C1GALT1C1L: variants seen among roughly 807,000 people sequenced by gnomAD.
The protein encoded by C1GALT1C1L is C1GALT1-specific chaperone 1-like protein.
Under a neutral mutation model 0.5 loss-of-function variants are expected in C1GALT1C1L, and 1 was observed. That is an observed-to-expected ratio of 2.11 (90% CI 0.75 to 10.02). The LOEUF (loss-of-function observed/expected upper bound fraction) is 10.02, where lower values mean the gene tolerates loss of function less well. Ranked by LOEUF, C1GALT1C1L falls within the 30% of genes most tolerant of loss-of-function variation. The probability of loss-of-function intolerance (pLI) is 0.13; values close to 1 mark genes in which losing one functional copy is unlikely to be tolerated. For missense variants in C1GALT1C1L, 444 were observed against 375.5 expected (o/e 1.18, Z -1.51); for synonymous variants, 148 against 132.6 (o/e 1.12, Z -0.80).
rs774593536 is a variant in C1GALT1C1L at position 43,675,997 on chromosome 2, A to G, written c.326T>C (p.Phe109Ser). Residue 109 changes from phenylalanine (F) to serine (S), a missense_variant, in exon 1 of 1, where the codon TTC becomes TCC. Physicochemically the swap from Phe to Ser is radical, Grantham distance 155 (BLOSUM62 -2). Transcript: ENST00000475092. ...ELYDTKNDNLFNIESNDRWVQ... is the reference protein window; with the variant it reads ...ELYDTKNDNLSNIESNDRWVQ... The stretch of plus-strand genomic sequence containing the variant: ...CCACCTGTCATTACTTTCTATATTG[A>G]ACAAATTATCATTTTTAGTATCGTA... The G allele has an allele frequency of 9.3e-6, 15 of 1,613,938 alleles. No homozygotes were observed. The highest frequency in any genetic ancestry group is 1.6e-4 in the Middle Eastern group (1 of 6,084).
rs200659882 is a variant in C1GALT1C1L, at chr2:43,676,291, T to A, written c.32A>T (p.Lys11Met). The change falls in exon 1 of 1, where the codon AAG becomes ATG. Residue 11 changes from lysine (K) to methionine (M), a missense_variant. Transcript: ENST00000475092. Reference protein sequence around the residue: MVSASGTSFFKGMLLGSISWV... With the variant: MVSASGTSFFMGMLLGSISWV... ...GGAAATGCTCCCAAGCAACATACCC[T>A]TAAAAAATGATGTCCCACTAGCGGA... 4 of 1,611,718 alleles carry A rather than the reference T, an allele frequency of 2.5e-6. No individual in the cohort carries two copies. The highest frequency in any genetic ancestry group is 3.4e-6 in the Non-Finnish European group (4 of 1,179,038).
rs773527917 is a variant in C1GALT1C1L at position 43,676,008 on chromosome 2, A to G, written c.315T>C (p.Asn105=). The change falls in exon 1 of 1, where the codon AAT becomes AAC. Residue 105 remains asparagine, a synonymous_variant. Transcript: ENST00000475092. Reference sequence around the variant, plus strand: ...TACTTTCTATATTGAACAAATTATCATTTTTAGTATCGTAGAGCTCTGCTT... The same window carrying G: ...TACTTTCTATATTGAACAAATTATCGTTTTTAGTATCGTAGAGCTCTGCTT... ...CDKAELYDTK[N]DNLFNIESND... 1 of 1,613,982 alleles carries G rather than the reference A, an allele frequency of 6.2e-7. No homozygotes were observed. The highest frequency in any genetic ancestry group is 8.5e-7 in the Non-Finnish European group (1 of 1,179,886).
chr2:43,675,921 G>A lies in C1GALT1C1L; in HGVS notation c.402C>T (p.Asn134=). Residue 134 remains asparagine, a synonymous_variant, in exon 1 of 1, where the codon AAC becomes AAT. Coordinates refer to ENST00000475092, the MANE Select transcript of C1GALT1C1L (RefSeq NM_001101330.3). ...GAAGTGCAAGGAAGAACCAGTTGTA[G>A]TTGTCACCATACTTTTCAAAGACGT... The part of the protein sequence containing the change: ...YKYVFEKYGD[N]YNWFFLALPT... The A allele has an allele frequency of 6.2e-7, 1 of 1,614,042 alleles. No individual in the cohort carries two copies. The highest frequency in any genetic ancestry group is 1.3e-5 in the African/African-American group (1 of 75,034).
At chr2:43,675,930 A>C in the C1GALT1C1L span, 1 of 1,614,044 alleles carries the variant, frequency 6.2e-7, no homozygotes, top group Non-Finnish European at 8.5e-7. Flanking sequence ...AGTTGTCACC[A>C]TACTTTTCAA....
chr2:43,675,850 G>T lies in C1GALT1C1L; in HGVS notation c.473C>A (p.Thr158Lys), dbSNP rs1363127711. 8.7e-6 allele frequency: 14 copies of T among 1,614,026 alleles called. No homozygotes were observed. The highest frequency in any genetic ancestry group is 1.2e-5 in the Non-Finnish European group (14 of 1,179,922). Residue 158 changes from threonine (T) to lysine (K), a missense_variant, in exon 1 of 1, where the codon ACA becomes AAA. Transcript: ENST00000475092. ...ATAGAAGGGCTGGGATGCATCCCTT[G>T]TAAACAAAAGGTACTTTAAATTTTC... Reference protein sequence around the residue: ...VIENLKYLLFTRDASQPFYLG... With the variant: ...VIENLKYLLFKRDASQPFYLG...
rs1667691157 is a variant in C1GALT1C1L, at chr2:43,675,324, A to C, written c.*51T>G. The C allele has an allele frequency of 1.2e-5, 15 of 1,282,828 alleles. No individual in the cohort carries two copies. The highest frequency in any genetic ancestry group is 6.3e-5 in the South Asian group (4 of 63,312). The allele number at this position is 1,282,828 out of a possible 1,614,324, so 79.5% of individuals were successfully genotyped here. The stretch of plus-strand genomic sequence containing the variant: ...CTTACACTGTATCAGAATTTGGACT[A>C]GCCACATTTCAAGTGCTCTTGGACA... On this transcript the variant is annotated 3_prime_UTR_variant, in exon 1 of 1. Transcript: ENST00000475092.
chr2:43,676,301 A>G lies in C1GALT1C1L; in HGVS notation c.22T>C (p.Ser8Pro). MVSASGT[S>P]FFKGMLLGSI... ...CCAAGCAACATACCCTTAAAAAATG[A>G]TGTCCCACTAGCGGAAACCATTTTC... The change falls in exon 1 of 1, where the codon TCA becomes CCA. Residue 8 changes from serine to proline, a missense_variant. Transcript: ENST00000475092. 1 of 1,610,686 alleles carries G rather than the reference A, an allele frequency of 6.2e-7. No individual in the cohort carries two copies. The highest frequency in any genetic ancestry group is 8.5e-7 in the Non-Finnish European group (1 of 1,178,362).
rs781759292 is a variant in C1GALT1C1L at position 43,675,792 on chromosome 2, T to C, written c.531A>G (p.Glu177=). The C allele has an allele frequency of 6.2e-7, 1 of 1,613,830 alleles. No homozygotes were observed. Among genetic ancestry groups the C allele is most frequent in the South Asian group, 1.1e-5 (1 of 91,038 alleles). ...LGHTVIFGDL[E]YVTVEGGIVL... is the part of the protein sequence containing the mutation. Reference sequence around the variant, plus strand: ...CAATCCCTCCTTCCACAGTCACGTATTCGAGGTCTCCAAATATAACAGTGT... The same window carrying C: ...CAATCCCTCCTTCCACAGTCACGTACTCGAGGTCTCCAAATATAACAGTGT... Residue 177 remains glutamate, a synonymous_variant, in exon 1 of 1, where the codon GAA becomes GAG. Coordinates refer to ENST00000475092, the MANE Select transcript of C1GALT1C1L (RefSeq NM_001101330.3).
chr2:43,676,224 G>C lies in C1GALT1C1L; in HGVS notation c.99C>G (p.His33Gln). 1 of 1,613,998 alleles carries C rather than the reference G, an allele frequency of 6.2e-7. No homozygotes were observed. Among genetic ancestry groups the C allele is most frequent in the Non-Finnish European group, 8.5e-7 (1 of 1,179,880 alleles). The change falls in exon 1 of 1, where the codon CAC becomes CAG. Residue 33 changes from histidine (H) to glutamine (Q), a missense_variant. Transcript: ENST00000475092. ...ITMFGQIHIR[H>Q]RGQTQDHEHH... ...GCTCGTGGTCTTGAGTTTGACCTCT[G>C]TGTCGAATGTGAATTTGGCCAAACA...
rs376422606 is a variant in C1GALT1C1L at position 43,676,103 on chromosome 2, T to C, written c.220A>G (p.Ile74Val). The change falls in exon 1 of 1, where the codon ATC becomes GTC. Residue 74 changes from isoleucine to valine, a missense_variant. By Grantham distance (29) the Ile-to-Val change is conservative. Transcript: ENST00000475092. ...CTCTCATCTTCGGATTCTCCAAAGA[T>C]GATACAGAAAACACGAATACTTTTA... Reference protein sequence around the residue: ...LSKSIRVFCIIFGESEDESYW... With the variant: ...LSKSIRVFCIVFGESEDESYW... The C allele has an allele frequency of 3.7e-6, 6 of 1,613,982 alleles. No homozygotes were observed. The highest frequency in any genetic ancestry group is 1.7e-5 in the Admixed American group (1 of 60,018).
At position 43,675,856 on chromosome 2, in the gene C1GALT1C1L, A is replaced by G; in HGVS notation, c.467T>C (p.Leu156Ser). ...GGGCTGGGATGCATCCCTTGTAAAC[A>G]AAAGGTACTTTAAATTTTCAATGAC... is the stretch of plus-strand genomic sequence containing the variant. ...FAVIENLKYL[L>S]FTRDASQPFY... is the part of the protein sequence containing the mutation. Residue 156 changes from leucine (L) to serine (S), a missense_variant, in exon 1 of 1, where the codon TTG becomes TCG. Transcript: ENST00000475092. 1 of 1,614,068 alleles carries G rather than the reference A, an allele frequency of 6.2e-7. No homozygotes were observed. The highest frequency in any genetic ancestry group is 8.5e-7 in the Non-Finnish European group (1 of 1,179,940).
chr2:43,675,849 T>C lies in C1GALT1C1L; in HGVS notation c.474A>G (p.Thr158=). Reference sequence around the variant, plus strand: ...GATAGAAGGGCTGGGATGCATCCCTTGTAAACAAAAGGTACTTTAAATTTT... The same window carrying C: ...GATAGAAGGGCTGGGATGCATCCCTCGTAAACAAAAGGTACTTTAAATTTT... The part of the protein sequence containing the change: ...VIENLKYLLF[T]RDASQPFYLG... The change falls in exon 1 of 1, where the codon ACA becomes ACG. Residue 158 remains threonine (T), a synonymous_variant. Coordinates refer to ENST00000475092, the MANE Select transcript of C1GALT1C1L (RefSeq NM_001101330.3). 1.2e-6 allele frequency: 2 copies of C among 1,614,066 alleles called. No individual in the cohort carries two copies. Among genetic ancestry groups the C allele is most frequent in the Non-Finnish European group, 1.7e-6 (2 of 1,179,934 alleles).
rs377244045 is a variant in C1GALT1C1L, at chr2:43,675,826, T to C, written c.497A>G (p.Tyr166Cys). 7.3e-5 allele frequency: 118 copies of C among 1,613,944 alleles called. No homozygotes were observed. In the Admixed American group the frequency reaches 1.8e-3, roughly 25 times the overall value. ...LFTRDASQPF[Y>C]LGHTVIFGDL... ...TCCAAATATAACAGTGTGGCCCAGA[T>C]AGAAGGGCTGGGATGCATCCCTTGT... The change falls in exon 1 of 1, where the codon TAT (tyrosine) becomes TGT (cysteine). Residue 166 changes from tyrosine to cysteine, a missense_variant. Physicochemically the swap from Tyr to Cys is radical, Grantham distance 194. Transcript: ENST00000475092.
At position 43,675,196 on chromosome 2, in the gene C1GALT1C1L, T is replaced by C. The variant is rs781603595; in HGVS notation, c.*179A>G. 6.3e-5 allele frequency: 28 copies of C among 445,436 alleles called. No individual in the cohort carries two copies. Among genetic ancestry groups the C allele is most frequent in the Non-Finnish European group, 1.1e-4 (27 of 255,610 alleles). The allele number at this position is 445,436 out of a possible 1,614,324, so 27.6% of individuals were successfully genotyped here. ...TATTTAATGCAAAATATCCAAAACA[T>C]TATTTCAATGTGGAGTCAATATGAA... is the stretch of plus-strand genomic sequence containing the variant. On this transcript the variant is annotated 3_prime_UTR_variant, in exon 1 of 1. Coordinates refer to ENST00000475092, the MANE Select transcript of C1GALT1C1L (RefSeq NM_001101330.3).
Position 43,676,012 on chromosome 2 carries a change from T to G in C1GALT1C1L, c.311A>C (p.Lys104Thr), listed in dbSNP as rs374136729. 6.2e-7 allele frequency: 1 copy of G among 1,613,934 alleles called. No homozygotes were observed. Among genetic ancestry groups the G allele is most frequent in the Non-Finnish European group, 8.5e-7 (1 of 1,179,904 alleles). Reference sequence around the variant, plus strand: ...TTCTATATTGAACAAATTATCATTTTTAGTATCGTAGAGCTCTGCTTTGTC... The same window carrying G: ...TTCTATATTGAACAAATTATCATTTGTAGTATCGTAGAGCTCTGCTTTGTC... Reference protein sequence around the residue: ...HCDKAELYDTKNDNLFNIESN... With the variant: ...HCDKAELYDTTNDNLFNIESN... Residue 104 changes from lysine (K) to threonine (T), a missense_variant, in exon 1 of 1, where the codon AAA (lysine) becomes ACA (threonine). Physicochemically the swap from Lys to Thr is moderately conservative, Grantham distance 78 (BLOSUM62 -1). Coordinates refer to ENST00000475092, the MANE Select transcript of C1GALT1C1L (RefSeq NM_001101330.3).
rs1200031463 is a variant in C1GALT1C1L, at chr2:43,676,151, T to C, written c.172A>G (p.Lys58Glu). ...PNRNDFLNTS[K>E]VILLELSKSI... is the part of the protein sequence containing the mutation. ...TTACTGAGCTCCAAGAGTATCACTT[T>C]TGAAGTGTTTAAGAAATCGTTCCTG... Residue 58 changes from lysine to glutamate, a missense_variant, in exon 1 of 1, where the codon AAA becomes GAA. Lys to Glu is a moderately conservative substitution (Grantham distance 56, BLOSUM62 1). Coordinates refer to ENST00000475092, the MANE Select transcript of C1GALT1C1L (RefSeq NM_001101330.3). The C allele has an allele frequency of 1.9e-6, 3 of 1,614,034 alleles. No homozygotes were observed. Among genetic ancestry groups the C allele is most frequent in the Non-Finnish European group, 2.5e-6 (3 of 1,179,900 alleles).
chr2:43,675,599 C>A lies in C1GALT1C1L; in HGVS notation c.724G>T (p.Val242Leu). The change falls in exon 1 of 1, where the codon GTA becomes TTA. Residue 242 changes from valine (V) to leucine (L), a missense_variant. Physicochemically the swap from Val to Leu is conservative, Grantham distance 32. Coordinates refer to ENST00000475092, the MANE Select transcript of C1GALT1C1L (RefSeq NM_001101330.3). ...ENAEDYEGRD[V>L]FNTKPIAQLI... ...TGTGCGATTGGTTTTGTATTAAATA[C>A]ATCTCTTCCTTCATAATCCTCTGCA... 1.2e-6 allele frequency: 2 copies of A among 1,613,508 alleles called. No individual in the cohort carries two copies. Among genetic ancestry groups the A allele is most frequent in the Non-Finnish European group, 1.7e-6 (2 of 1,179,676 alleles).
At position 43,676,186 on chromosome 2, in the gene C1GALT1C1L, C is replaced by G. The variant is rs376793753; in HGVS notation, c.137G>C (p.Arg46Pro). 1.8e-4 allele frequency: 286 copies of G among 1,613,812 alleles called. No homozygotes were observed. Among genetic ancestry groups the G allele is most frequent in the Non-Finnish European group, 2.4e-4 (279 of 1,179,876 alleles). ...TAAGAAATCGTTCCTGTTAGGTGGA[C>G]GAAGGTGATGGTGCTCGTGGTCTTG... ...QTQDHEHHHL[R>P]PPNRNDFLNT... The change falls in exon 1 of 1, where the codon CGT (arginine) becomes CCT (proline). Residue 46 changes from arginine to proline, a missense_variant. Physicochemically the swap from Arg to Pro is moderately radical, Grantham distance 103 (BLOSUM62 -2). Transcript: ENST00000475092.
At position 43,675,269 on chromosome 2, in the gene C1GALT1C1L, T is replaced by C; in HGVS notation, c.*106A>G. 1 of 630,926 alleles carries C rather than the reference T, an allele frequency of 1.6e-6. No homozygotes were observed. Among genetic ancestry groups the C allele is most frequent in the Non-Finnish European group, 2.6e-6 (1 of 391,744 alleles). 39.1% of individuals were successfully genotyped at this position (630,926 alleles called of 1,614,324 possible). On this transcript the variant is annotated 3_prime_UTR_variant, in exon 1 of 1. Transcript: ENST00000475092. ...CTTCATACTGTTTTCTAATAATATA[T>C]GAATTATTGAATGAAGTACGTATTT... is the stretch of plus-strand genomic sequence containing the variant.
Sources: allele counts gnomAD v4.1 joint callset, GRCh38; gene constraint gnomAD v4.1.1; transcripts MANE v1.5; gene names NCBI Gene and HGNC (gene_info 2026-07-23, HGNC 2026-07-21).